The following LRRC8E variants were observed in gnomAD, a reference collection of about 807,000 sequenced individuals.
LRRC8E encodes the protein volume-regulated anion channel subunit LRRC8E.
In LRRC8E, 6 loss-of-function variants were observed where a neutral mutation model predicts 6.1. That is an observed-to-expected ratio of 0.98 (90% CI 0.54 to 1.93). LRRC8E has a LOEUF of 1.93. Among genes scored for constraint, LRRC8E ranks in the 30% most tolerant of loss-of-function variants. LRRC8E has a pLI of 0.01. For missense variants in LRRC8E, 1,028 were observed against 1,031.4 expected, an observed-to-expected ratio of 1.00 and a Z score of 0.04; for synonymous variants, 485 against 472.8, an observed-to-expected ratio of 1.03 and a Z score of -0.33.
chr19:7,899,100 C>G lies in LRRC8E; in HGVS notation c.578C>G (p.Thr193Ser), dbSNP rs1981779051. The G allele has an allele frequency of 6.2e-7, 1 of 1,612,884 alleles. No homozygotes were observed. The highest frequency in any genetic ancestry group is 8.5e-7 in the Non-Finnish European group (1 of 1,179,322). The change falls in exon 3 of 3, where the codon ACC (threonine) becomes AGC (serine). Residue 193 changes from threonine (T) to serine (S), a missense_variant. Coordinates refer to ENST00000306708, the MANE Select transcript of LRRC8E (RefSeq NM_025061.6). ...AAATIVAMAGTGPGKAGEGEK... is the reference protein window; with the variant it reads ...AAATIVAMAGSGPGKAGEGEK... ...GCCACCATAGTGGCCATGGCAGGGA[C>G]CGGGCCGGGGAAGGCAGGGGAGGGT...
At chr19:7,898,191 G>A (rs570499539) in intron 2 of LRRC8E, among the ~76,000 whole-genome samples, 61 of 141,982 alleles carry the variant, frequency 4.3e-4, no homozygotes, top group Admixed American at 7.3e-4. Context: ...CTGACAGAGC[G>A]AGACTCTTGT....
chr19:7,888,755 G>C (rs1200082057), intron 1 of LRRC8E, among the ~76,000 whole-genome samples, 155 bp downstream of exon 1: 1 of 152,166 alleles, frequency 6.6e-6, no homozygotes, highest in Non-Finnish European at 1.5e-5. Context: ...GAGCTGGGGT[G>C]GGGGTGCCGG....
chr19:7,899,923 G>C lies in LRRC8E; in HGVS notation c.1401G>C (p.Leu467Phe), dbSNP rs1568267760. 1.2e-6 allele frequency: 2 copies of C among 1,608,292 alleles called. No individual in the cohort carries two copies. The highest frequency in any genetic ancestry group is 1.7e-6 in the Non-Finnish European group (2 of 1,179,998). ...SQLVHLQELS[L>F]LHSPARLPFS... Reference sequence around the variant, plus strand: ...TGGTGCACTTGCAGGAGCTCAGCTTGCTCCACTCGCCCGCCAGGCTACCCT... The same window carrying C: ...TGGTGCACTTGCAGGAGCTCAGCTTCCTCCACTCGCCCGCCAGGCTACCCT... The change falls in exon 3 of 3, where the codon TTG becomes TTC. Residue 467 changes from leucine (L) to phenylalanine (F), a missense_variant. Leu to Phe is a conservative substitution (Grantham distance 22). Transcript: ENST00000306708.
At chr19:7,889,756 T>C (rs1469669735) in intron 1 of LRRC8E, among the ~76,000 whole-genome samples, 1 of 147,524 alleles carries the variant, frequency 6.8e-6, no homozygotes, top group Admixed American at 6.7e-5. Context: ...CTCTCTCTCT[T>C]TTTTTTTTTT....
At position 7,895,389 on chromosome 19, in the gene LRRC8E, C is replaced by T. The variant is rs1568263875; in HGVS notation, c.-5-210C>T. 1.2e-5 allele frequency: 7 copies of T among 574,628 alleles called. No homozygotes were observed. The highest frequency in any genetic ancestry group is 3.0e-5 in the Admixed American group (1 of 33,746). The allele number at this position is 574,628 out of a possible 1,614,324, so 35.6% of individuals were successfully genotyped here. A position where few individuals can be genotyped will look rare whatever the true frequency, so the allele number is the denominator to read the frequency against. On this transcript the variant is annotated intron_variant, in intron 1 of 2. Coordinates refer to ENST00000306708, the MANE Select transcript of LRRC8E (RefSeq NM_025061.6). This position sits in a 1 kb window ranked among gnomAD's most constrained non-coding sequence, Gnocchi z 4.7. Reference sequence around the variant, plus strand: ...GGGGTGCCCAGAGGGGAACAGTGGCCGCTTGGTTCTGGGCAGGTGGTGACG... The same window carrying T: ...GGGGTGCCCAGAGGGGAACAGTGGCTGCTTGGTTCTGGGCAGGTGGTGACG...
rs536259187 is a variant in LRRC8E at position 7,888,562 on chromosome 19, A to G, written c.-44A>G. ...CGGGAGTCGCGGCAGCTCCGCTCCC[A>G]GAGACCCAGGAGTTGGGCCCAGCGT... is the stretch of plus-strand genomic sequence containing the variant. On this transcript the variant is annotated 5_prime_UTR_variant, in exon 1 of 3. Coordinates refer to ENST00000306708, the MANE Select transcript of LRRC8E (RefSeq NM_025061.6). The G allele has an allele frequency of 6.6e-6, 1 of 152,356 alleles. No homozygotes were observed. The highest frequency in any genetic ancestry group is 2.4e-5 in the African/African-American group (1 of 41,560). 9.4% of individuals were successfully genotyped at this position (152,356 alleles called of 1,614,324 possible).
intron 1 of LRRC8E, among the ~76,000 whole-genome samples, chr19:7,890,796 A>G (rs1366846586): frequency 6.6e-6 from 1 of 151,840 alleles, no homozygotes; most frequent in Non-Finnish European, 1.5e-5. Flanking sequence ...CTCAAAAAAA[A>G]AAGAGATTCT....
At chr19:7,894,039 T>TG (rs1239486645) in intron 1 of LRRC8E, among the ~76,000 whole-genome samples, 4 of 151,998 alleles carry the variant, frequency 2.6e-5, no homozygotes, top group South Asian at 2.1e-4. Flanking sequence ...CCCCAAAATA[T>TG]GGGGGGGACA....
Position 7,900,351 on chromosome 19 carries a change from T to C in LRRC8E, c.1829T>C (p.Leu610Pro), listed in dbSNP as rs752503210. The C allele has an allele frequency of 6.2e-7, 1 of 1,613,162 alleles. No homozygotes were observed. Reference protein sequence around the residue: ...AVFSLGALQELDLKDNHLRSI... With the variant: ...AVFSLGALQEPDLKDNHLRSI... Reference sequence around the variant, plus strand: ...TTCAGCCTGGGTGCGCTGCAGGAACTTGACCTCAAGGACAACCACCTGCGC... The same window carrying C: ...TTCAGCCTGGGTGCGCTGCAGGAACCTGACCTCAAGGACAACCACCTGCGC... Residue 610 changes from leucine to proline, a missense_variant, in exon 3 of 3, where the codon CTT (leucine) becomes CCT (proline). By Grantham distance (98) the Leu-to-Pro change is moderately conservative. Coordinates refer to ENST00000306708, the MANE Select transcript of LRRC8E (RefSeq NM_025061.6). This position sits in a 1 kb window ranked among gnomAD's most constrained non-coding sequence, Gnocchi z 5.0.
intron 2 of LRRC8E, among the ~76,000 whole-genome samples, chr19:7,897,092 TC>T (rs1981634619): frequency 6.6e-6 from 1 of 152,092 alleles, no homozygotes. Context: ...GGGAGAATCT[TC>T]CAAGCTTCCC....
chr19:7,896,059 T>C (rs993590034), intron 2 of LRRC8E, among the ~76,000 whole-genome samples: 1 of 152,006 alleles, frequency 6.6e-6, no homozygotes, highest in Non-Finnish European at 1.5e-5. Context: ...TGCCTCAGCC[T>C]CCTGAGTAGC....
rs895099705 is a variant in LRRC8E, at chr19:7,895,541, C to T, written c.-5-58C>T. 2 of 1,581,270 alleles carry T rather than the reference C, an allele frequency of 1.3e-6. No homozygotes were observed. Among genetic ancestry groups the T allele is most frequent in the Non-Finnish European group, 1.7e-6 (2 of 1,154,794 alleles). On this transcript the variant is annotated intron_variant, in intron 1 of 2. Transcript: ENST00000306708. The surrounding 1 kb of genome is among the most constrained non-coding windows in gnomAD (Gnocchi z 4.7). ...GTCCGGCTCCTCGGAGGACCCCCTG[C>T]AGAGCCTCCCATCCTGAGGGTCTCT... is the stretch of plus-strand genomic sequence containing the variant.
chr19:7,899,271 T>G lies in LRRC8E; in HGVS notation c.749T>G (p.Ile250Ser). 6.2e-7 allele frequency: 1 copy of G among 1,614,204 alleles called. No homozygotes were observed. Among genetic ancestry groups the G allele is most frequent in the Non-Finnish European group, 8.5e-7 (1 of 1,180,038 alleles). Residue 250 changes from isoleucine to serine, a missense_variant, in exon 3 of 3, where the codon ATC becomes AGC. Coordinates refer to ENST00000306708, the MANE Select transcript of LRRC8E (RefSeq NM_025061.6). ...KFRMHVEEGD[I>S]LYTMYIRQTV... ...CGCATGCACGTGGAAGAGGGCGACA[T>G]CCTGTACACCATGTACATCCGACAG...
intron 1 of LRRC8E, among the ~76,000 whole-genome samples, chr19:7,893,120 C>T (rs1981402272): frequency 6.6e-6 from 1 of 152,174 alleles, no homozygotes. Context: ...GATCCTCCTG[C>T]CTCAGCCTCC....
intron 2 of LRRC8E, 48 bp from the exon 3 acceptor site, chr19:7,898,613 C>T: frequency 6.6e-7 from 1 of 1,515,728 alleles, no homozygotes; most frequent in Non-Finnish European, 8.9e-7. Flanking sequence ...CTCGCCTTGG[C>T]CTCCCAAAGT....
intron 1 of LRRC8E, among the ~76,000 whole-genome samples, chr19:7,890,784 G>C (rs905431325): frequency 5.3e-5 from 8 of 151,352 alleles, no homozygotes; most frequent in South Asian, 2.1e-4. Flanking sequence ...GTGAGACTCT[G>C]TCTCAAAAAA....
In LRRC8E at chr19:7,899,383, G is replaced by A; in HGVS notation, c.861G>A (p.Arg287=). Reference sequence around the variant, plus strand: ...AGATCAGTTTCCTGGTGGCCTGTAGGGTGGAGACGTCAGAGGTCACGGGCT... The same window carrying A: ...AGATCAGTTTCCTGGTGGCCTGTAGAGTGGAGACGTCAGAGGTCACGGGCT... ...VEKISFLVAC[R]VETSEVTGYA... is the part of the protein sequence containing the mutation. Residue 287 remains arginine (R), a synonymous_variant, in exon 3 of 3, where the codon AGG becomes AGA. Transcript: ENST00000306708. The A allele has an allele frequency of 6.2e-7, 1 of 1,614,178 alleles. No homozygotes were observed. The highest frequency in any genetic ancestry group is 1.3e-5 in the African/African-American group (1 of 75,046).
rs761807339 is a variant in LRRC8E at position 7,899,010 on chromosome 19, C to T, written c.488C>T (p.Thr163Ile). The change falls in exon 3 of 3, where the codon ACC becomes ATC. Residue 163 changes from threonine (T) to isoleucine (I), a missense_variant. Transcript: ENST00000306708. ...AAGTGTTTCGACTCTCCATGGACCA[C>T]CAGGGCCCTATCCGAGGTCTCCGGG... ...LGKCFDSPWT[T>I]RALSEVSGEN... The T allele has an allele frequency of 9.9e-6, 16 of 1,613,856 alleles. No individual in the cohort carries two copies. The highest frequency in any genetic ancestry group is 6.7e-5 in the Admixed American group (4 of 60,004).
Position 7,900,850 on chromosome 19 carries a change from GGT to G in LRRC8E, c.2330_2331del (p.Val777GlyfsTer29). 1.3e-6 allele frequency: 2 copies of G among 1,558,034 alleles called. No homozygotes were observed. The highest frequency in any genetic ancestry group is 1.7e-6 in the Non-Finnish European group (2 of 1,153,904). ...CGGLKKAGLL[V>X]EDTLYQGLPA... The stretch of plus-strand genomic sequence containing the variant: ...GGGGGCTCAAGAAGGCGGGGCTCCT[GGT>G]GGAAGACACGCTTTACCAGGGTCTG... On this transcript the variant is annotated frameshift_variant, in exon 3 of 3. Coordinates refer to ENST00000306708, the MANE Select transcript of LRRC8E (RefSeq NM_025061.6). LOFTEE classifies it low-confidence loss of function (END_TRUNC). The surrounding 1 kb of genome is among the most constrained non-coding windows in gnomAD (Gnocchi z 5.0).
Sources: gnomAD v4.1 joint callset for allele counts (sites outside exome capture counted in the v4.1 genomes callset) on GRCh38, gnomAD v4.1.1 for gene constraint, Gnocchi (gnomAD v3.1) non-coding constraint, MANE v1.5 for transcripts, NCBI Gene and HGNC (gene_info 2026-07-23, HGNC 2026-07-21) for gene names.